CALHM4: variants seen among roughly 807,000 people sequenced by gnomAD.
CALHM4 encodes the protein calcium homeostasis modulator protein 4.
CALHM4 carries 16 observed loss-of-function variants against 13.3 expected under a neutral mutation model. The observed-to-expected ratio is 1.20, with a 90% CI of 0.81 to 1.82. The LOEUF is 1.82. CALHM4 is among the 40% of genes most tolerant of loss of function. The probability of loss-of-function intolerance (pLI) is 0.00; values close to 1 mark genes in which losing one functional copy is unlikely to be tolerated. For synonymous variants in CALHM4, 127 were observed against 137.1 expected (o/e 0.93, Z 0.52); for missense variants, 344 against 374.9 (o/e 0.92, Z 0.68).
intron 1 of CALHM4, among the ~76,000 whole-genome samples, chr6:116,531,870 AT>A (rs1772747835): frequency 6.7e-6 from 1 of 149,386 alleles, no homozygotes; most frequent in African/African-American, 2.4e-5. Context: ...ATTAAAATTT[AT>A]TTATATTTAA....
chr6:116,547,803 T>C (rs772977658), intron 2 of CALHM4, among the ~76,000 whole-genome samples: 7 of 152,244 alleles, frequency 4.6e-5, no homozygotes, highest in Non-Finnish European at 7.3e-5. Context: ...TACTAAGAGT[T>C]CTTTAGTCTT....
chr6:116,540,462 C>T lies in CALHM4; in HGVS notation c.-108-3303C>T, dbSNP rs955228104. The T allele has an allele frequency of 1.9e-6, 3 of 1,550,872 alleles. No homozygotes were observed. The African/African-American group carries it at 4.1e-5, about 21-fold the overall frequency. On this transcript the variant is annotated intron_variant, in intron 1 of 2. Coordinates refer to the CALHM4 transcript ENST00000368597. ...CAAGCCGCGTTCCAATGCCGTAACC[C>T]CTGTGGATGACGGAAAGAGTGTGGT...
At chr6:116,554,597 G>A (rs1453139639) in intron 1 of CALHM4, among the ~76,000 whole-genome samples, 1 of 152,040 alleles carries the variant, frequency 6.6e-6, no homozygotes, top group East Asian at 1.9e-4. Flanking sequence ...AGTAAAATGG[G>A]GATATTCATG....
intron 1 of CALHM4, among the ~76,000 whole-genome samples, chr6:116,531,791 C>T (rs559489342): frequency 1.3e-5 from 2 of 151,700 alleles, no homozygotes; most frequent in Non-Finnish European, 2.9e-5. Context: ...GAATATCCCT[C>T]TTCTGAAACC....
intron 2 of CALHM4, among the ~76,000 whole-genome samples, chr6:116,546,968 T>TTTTA (rs1177096399): frequency 6.6e-6 from 1 of 152,194 alleles, no homozygotes; most frequent in Non-Finnish European, 1.5e-5. Context: ...CTTCATCTCA[T>TTTTA]TTTAATTCAG....
At chr6:116,543,152 T>A in intron 1 of CALHM4, 1 of 533,042 alleles carries the variant, frequency 1.9e-6, no homozygotes. Context: ...AAATGGCACT[T>A]GTAAGAAATT....
chr6:116,551,164 G>A (rs568801071), upstream of CALHM4, among the ~76,000 whole-genome samples: 3 of 152,160 alleles, frequency 2.0e-5, no homozygotes, highest in South Asian at 2.1e-4. Context: ...ATGCACCCCC[G>A]TGACCTTATG....
intron 1 of CALHM4, chr6:116,543,454 T>C (rs1317948054): frequency 2.2e-6 from 3 of 1,359,670 alleles, no homozygotes; most frequent in East Asian, 5.1e-5. Flanking sequence ...AGTATACTAC[T>C]GTATTTCTTT....
At chr6:116,537,961 T>A (rs1011306617) in intron 1 of CALHM4, among the ~76,000 whole-genome samples, 1 of 152,346 alleles carries the variant, frequency 6.6e-6, no homozygotes, top group Middle Eastern at 3.4e-3. Context: ...ATGGAGAATA[T>A]CCTGGTCGAG....
chr6:116,560,662 G>GC lies in CALHM4; in HGVS notation c.*2451_*2452insC, dbSNP rs1321074212. Among the ~76,000 whole-genome samples the GC allele has an allele frequency of 8.2e-6, 1 of 122,292 alleles. No individual in the cohort carries two copies. The highest frequency in any genetic ancestry group is 2.9e-5 in the African/African-American group (1 of 34,360). 80.2% of individuals were successfully genotyped at this position (122,292 alleles called of 152,430 possible). A position where few individuals can be genotyped will look rare whatever the true frequency, so the allele number is the denominator to read the frequency against. ...ATTTTTAGTATTTTGGGGGGGGGGGGGGCTATGGTCTATAGCATTTTTTTG... is the reference window on the plus strand; with the variant it reads ...ATTTTTAGTATTTTGGGGGGGGGGGGCGGCTATGGTCTATAGCATTTTTTTG... On this transcript the variant is annotated 3_prime_UTR_variant, in exon 2 of 2. Transcript: ENST00000368596.
Position 116,558,286 on chromosome 6 carries a change from A to G in CALHM4, c.*75A>G. 2 of 1,400,514 alleles carry G rather than the reference A, an allele frequency of 1.4e-6. No individual in the cohort carries two copies. Among genetic ancestry groups the G allele is most frequent in the Non-Finnish European group, 1.9e-6 (2 of 1,043,962 alleles). 86.8% of individuals were successfully genotyped at this position (1,400,514 alleles called of 1,614,324 possible). A position where few individuals can be genotyped will look rare whatever the true frequency, so the allele number is the denominator to read the frequency against. On this transcript the variant is annotated 3_prime_UTR_variant, in exon 2 of 2. Transcript: ENST00000368596. ...TGGCTTTTATGATCAGGCCATTTCAATGTAATCTCTTCATCTTTTTCTTTC... is the reference window on the plus strand; with the variant it reads ...TGGCTTTTATGATCAGGCCATTTCAGTGTAATCTCTTCATCTTTTTCTTTC...
rs925141236 is a variant in CALHM4, at chr6:116,554,283, A to G, written c.490A>G (p.Arg164Gly). Residue 164 changes from arginine (R) to glycine (G), a missense_variant, in exon 1 of 2, where the codon AGA becomes GGA. Arg to Gly is a moderately radical substitution (Grantham distance 125). Coordinates refer to ENST00000368596, the MANE Select transcript of CALHM4 (RefSeq NM_001366078.2). ...GATCCTGGCTGGGTTTCCATGTTGC[A>G]GATCAGCTCCTTCTGACGTGATCCT... ...EEILAGFPCCRSAPSDVILVR... is the reference protein window; with the variant it reads ...EEILAGFPCCGSAPSDVILVR... 9.0e-6 allele frequency: 14 copies of G among 1,550,436 alleles called. No homozygotes were observed. Among genetic ancestry groups the G allele is most frequent in the African/African-American group, 1.4e-5 (1 of 73,056 alleles).
At chr6:116,553,741 G>T, upstream of CALHM4, 1 of 1,472,670 alleles carries the variant, frequency 6.8e-7, no homozygotes, top group South Asian at 1.3e-5. Context: ...ATAGCTGGTG[G>T]AGTCTAATGA....
At position 116,544,647 on chromosome 6, in the gene CALHM4, C is replaced by T. The variant is rs369635856; in HGVS notation, c.-1+775C>T. Among the ~76,000 whole-genome samples the T allele has an allele frequency of 2.4e-4, 36 of 152,166 alleles. No individual in the cohort carries two copies. In the East Asian group the frequency reaches 4.2e-3, roughly 18 times the overall value. On this transcript the variant is annotated intron_variant, in intron 2 of 2. Coordinates refer to the CALHM4 transcript ENST00000368597. ...ACTGCTTTATAAAATCAAGTGATTT[C>T]GGTATAATATGAACTATGTACCATA...
At chr6:116,549,974 C>A (rs760536683), upstream of CALHM4, among the ~76,000 whole-genome samples, 1 of 98,028 alleles carries the variant, frequency 1.0e-5, no homozygotes, top group African/African-American at 4.0e-5. Context: ...AAAACTCCAT[C>A]TTAAATTATA....
intron 1 of CALHM4, among the ~76,000 whole-genome samples, chr6:116,554,641 A>G (rs1232944322): frequency 6.6e-6 from 1 of 152,172 alleles, no homozygotes. Flanking sequence ...TGGGGAATAC[A>G]TTACCAATAT....
At chr6:116,542,010 T>TA (rs1014561521) in intron 1 of CALHM4, among the ~76,000 whole-genome samples, 1 of 152,224 alleles carries the variant, frequency 6.6e-6, no homozygotes, top group Admixed American at 6.5e-5. Context: ...GTTAAATGTG[T>TA]ACTCAATTAG....
At position 116,530,463 on chromosome 6, in the gene CALHM4, C is replaced by T. The variant is rs1352462899; in HGVS notation, c.-109+1273C>T. Among the ~76,000 whole-genome samples the T allele has an allele frequency of 2.0e-5, 3 of 152,154 alleles. No homozygotes were observed. In the South Asian group the frequency reaches 6.2e-4, roughly 31 times the overall value. On this transcript the variant is annotated intron_variant, in intron 1 of 2. Transcript: ENST00000368597. ...CACAGGATTAGATGACCAGAGCAAA[C>T]TTTTGTAATTGGTTCCTTTATAAGA...
chr6:116,558,330 G>GT lies in CALHM4; in HGVS notation c.*120dup, dbSNP rs1376150327. 2.7e-6 allele frequency: 3 copies of GT among 1,100,350 alleles called. No homozygotes were observed. Among genetic ancestry groups the GT allele is most frequent in the Non-Finnish European group, 3.8e-6 (3 of 792,864 alleles). The allele number at this position is 1,100,350 out of a possible 1,614,324, so 68.2% of individuals were successfully genotyped here. A position where few individuals can be genotyped will look rare whatever the true frequency, so the allele number is the denominator to read the frequency against. On this transcript the variant is annotated 3_prime_UTR_variant, in exon 2 of 2. Transcript: ENST00000368596. Reference sequence around the variant, plus strand: ...TTCTTTCTCTCTGATATTTGTTTACGTAAGTCCATCTCAAATATTATTTCT... The same window carrying GT: ...TTCTTTCTCTCTGATATTTGTTTACGTTAAGTCCATCTCAAATATTATTTCT...
Sources: gnomAD v4.1 joint callset for allele counts (sites outside exome capture counted in the v4.1 genomes callset) on GRCh38, gnomAD v4.1.1 for gene constraint, MANE v1.5 for transcripts, NCBI Gene and HGNC (gene_info 2026-07-23, HGNC 2026-07-21) for gene names.